Variants in ACTR3B observed in about 807,000 individuals in gnomAD.
The protein encoded by ACTR3B is actin related protein 3B.
A neutral mutation model predicts 59.0 loss-of-function variants in ACTR3B; 8 were observed. That is an observed-to-expected ratio of 0.14 (90% CI 0.08 to 0.24). The LOEUF is 0.24. Among genes scored for constraint, ACTR3B ranks in the 10% least tolerant of loss-of-function variants. The pLI is 1.00. For synonymous variants in ACTR3B, 148 were observed against 197.9 expected, an observed-to-expected ratio of 0.75 and a Z score of 2.12; for missense variants, 245 against 552.3, an observed-to-expected ratio of 0.44 and a Z score of 5.58.
intron 9 of ACTR3B, among the ~76,000 whole-genome samples, chr7:152,840,373 C>T (rs1389105675): frequency 2.6e-5 from 4 of 152,108 alleles, no homozygotes; most frequent in South Asian, 4.2e-4. Context: ...TTCCCTGGGC[C>T]GGTGCTGACG....
chr7:152,818,876 G>A (rs7790480), intron 6 of ACTR3B, among the ~76,000 whole-genome samples: 79,987 of 152,066 alleles, frequency 0.53, 22,993 homozygotes, highest in East Asian at 0.72. Context: ...TATATTTTGC[G>A]TATTAATTTA....
intron 1 of ACTR3B, among the ~76,000 whole-genome samples, chr7:152,772,437 A>G (rs551493983): frequency 1.3e-5 from 2 of 152,136 alleles, no homozygotes; most frequent in Non-Finnish European, 2.9e-5. Context: ...AGGTGGGAGG[A>G]TGGTGTGGAT....
intron 2 of ACTR3B, among the ~76,000 whole-genome samples, chr7:152,785,376 T>A (rs1371640498): frequency 1.7e-3 from 9 of 5,322 alleles, no homozygotes; most frequent in African/African-American, 9.6e-3. Context: ...GAGTTTGTTG[T>A]GAGGGGGGGG....
chr7:152,759,993 C>T (rs963068049), intron 1 of ACTR3B, 67 bp downstream of exon 1: 17 of 1,262,122 alleles, frequency 1.3e-5, no homozygotes, highest in South Asian at 2.3e-5. Context: ...GCGTCCACCT[C>T]GCCTGGAGGT....
intron 1 of ACTR3B, among the ~76,000 whole-genome samples, chr7:152,779,258 G>A (rs979715241): frequency 4.6e-5 from 7 of 151,842 alleles, no homozygotes; most frequent in African/African-American, 1.5e-4. Flanking sequence ...TTAGTGAATC[G>A]CGCACAGCCC....
chr7:152,852,084 G>A lies in ACTR3B; in HGVS notation c.952-42G>A, dbSNP rs149943653. 1.1e-3 allele frequency: 1,716 copies of A among 1,613,450 alleles called. 18 individuals are homozygous for A. The African/African-American group carries it at 0.02, about 19-fold the overall frequency. ...GTGGGTGGTTCCCGGAACTGTGGGC[G>A]GGCGGTTTTACCCAGGGCTCCCTCT... is the stretch of plus-strand genomic sequence containing the variant. On this transcript the variant is annotated intron_variant, in intron 9 of 11. Transcript: ENST00000256001.
At chr7:152,789,616 G>A (rs1341186916) in intron 2 of ACTR3B, among the ~76,000 whole-genome samples, 1 of 150,642 alleles carries the variant, frequency 6.6e-6, no homozygotes, top group Non-Finnish European at 1.5e-5. Flanking sequence ...ATTCTTTAAA[G>A]TTTTCTATGC....
intron 9 of ACTR3B, among the ~76,000 whole-genome samples, chr7:152,837,611 C>T (rs1340454090): frequency 2.6e-5 from 4 of 152,234 alleles, no homozygotes; most frequent in East Asian, 1.9e-4. Context: ...CTCAGCTGCT[C>T]GGGGGACATC....
chr7:152,764,659 GA>G, intron 1 of ACTR3B, among the ~76,000 whole-genome samples: 1 of 146,214 alleles, frequency 6.8e-6, no homozygotes, highest in East Asian at 2.0e-4. Flanking sequence ...AAAAAAAAAA[GA>G]AAAAATAAAG....
At chr7:152,783,569 CTG>C (rs2098161882) in intron 2 of ACTR3B, among the ~76,000 whole-genome samples, 1 of 151,582 alleles carries the variant, frequency 6.6e-6, no homozygotes, top group Admixed American at 6.5e-5. Flanking sequence ...ACTTAATGGA[CTG>C]AATATCTCTT....
In ACTR3B at chr7:152,854,886, C is replaced by T. The variant is rs116421517; in HGVS notation, c.*333C>T. Reference sequence around the variant, plus strand: ...TAGAGAAAACAACATTAGAAAATGGCGCAAAATCGTTAGGTCCCAGGAGAG... The same window carrying T: ...TAGAGAAAACAACATTAGAAAATGGTGCAAAATCGTTAGGTCCCAGGAGAG... On this transcript the variant is annotated 3_prime_UTR_variant, in exon 12 of 12. Transcript: ENST00000256001. The surrounding 1 kb of genome is among the most constrained non-coding windows in gnomAD (Gnocchi z 4.9). 677 of 224,258 alleles carry T rather than the reference C, an allele frequency of 3.0e-3. 4 individuals carry two copies. The highest frequency in any genetic ancestry group is 0.012 in the African/African-American group (543 of 44,312). 13.9% of individuals were successfully genotyped at this position (224,258 alleles called of 1,614,324 possible). A position where few individuals can be genotyped will look rare whatever the true frequency, so the allele number is the denominator to read the frequency against.
intron 1 of ACTR3B, among the ~76,000 whole-genome samples, chr7:152,763,667 A>G (rs1590182608): frequency 2.6e-5 from 4 of 151,948 alleles, no homozygotes; most frequent in South Asian, 2.1e-4. Context: ...CAAGCAATCC[A>G]CCCGCCTTGG....
At chr7:152,780,362 A>AAG (rs1214170879) in intron 1 of ACTR3B, among the ~76,000 whole-genome samples, 1 of 149,764 alleles carries the variant, frequency 6.7e-6, no homozygotes, top group Non-Finnish European at 1.5e-5. Context: ...CAAAAAAAAA[A>AAG]AAAATTAATA....
intron 9 of ACTR3B, among the ~76,000 whole-genome samples, chr7:152,829,090 T>C (rs1180560348): frequency 6.6e-6 from 1 of 151,238 alleles, no homozygotes; most frequent in African/African-American, 2.4e-5. Flanking sequence ...AGCAGGAAAA[T>C]TGTGCATATT....
intron 2 of ACTR3B, among the ~76,000 whole-genome samples, chr7:152,790,986 T>A (rs1338497648): frequency 6.6e-6 from 1 of 151,978 alleles, no homozygotes; most frequent in Non-Finnish European, 1.5e-5. Context: ...TTTTTTTGAC[T>A]GCAGAGCTTG....
At chr7:152,845,996 C>T (rs1410868675) in intron 9 of ACTR3B, among the ~76,000 whole-genome samples, 2 of 152,240 alleles carry the variant, frequency 1.3e-5, no homozygotes, top group Admixed American at 6.5e-5. Flanking sequence ...TATAAAGATG[C>T]AGATCCTCAG....
intron 5 of ACTR3B, among the ~76,000 whole-genome samples, chr7:152,815,531 G>A (rs904629136): frequency 6.6e-6 from 1 of 152,140 alleles, no homozygotes; most frequent in South Asian, 2.1e-4. Flanking sequence ...TTTGGGCTTC[G>A]TCTTCGACCA....
At chr7:152,808,179 CCATGTTGAAG>C (rs1563114094) in intron 4 of ACTR3B, among the ~76,000 whole-genome samples, 1 of 152,190 alleles carries the variant, frequency 6.6e-6, no homozygotes, top group Non-Finnish European at 1.5e-5. Context: ...CAAGCTTCAT[CCATGTTGAAG>C]CATGTGCCAG....
intron 7 of ACTR3B, among the ~76,000 whole-genome samples, chr7:152,820,653 G>A (rs1796074371): frequency 6.6e-6 from 1 of 152,212 alleles, no homozygotes; most frequent in Non-Finnish European, 1.5e-5. Flanking sequence ...CTGTCACTGA[G>A]AACAGCTTGG....
Sources: gnomAD v4.1 joint callset for allele counts (sites outside exome capture counted in the v4.1 genomes callset) on GRCh38, gnomAD v4.1.1 for gene constraint, Gnocchi (gnomAD v3.1) non-coding constraint, MANE v1.5 for transcripts, NCBI Gene and HGNC (gene_info 2026-07-23, HGNC 2026-07-21) for gene names.